KIAA1328: variants seen among roughly 807,000 people sequenced by gnomAD.
KIAA1328 encodes KIAA1328.
In KIAA1328, 52 loss-of-function variants were observed where a neutral mutation model predicts 68.1. That is an observed-to-expected ratio of 0.76 (90% CI 0.61 to 0.96). The LOEUF (loss-of-function observed/expected upper bound fraction) is 0.96. Among genes scored for constraint, KIAA1328 ranks in the 40% least tolerant of loss-of-function variants. KIAA1328 has a pLI of 0.00. For missense variants in KIAA1328, 641 were observed against 677.6 expected (o/e 0.95, Z 0.60); for synonymous variants, 232 against 239.4 (o/e 0.97, Z 0.28).
rs1396795105 is a variant in KIAA1328, at chr18:36,959,031, G to T, written c.449-277G>T. Among the ~76,000 whole-genome samples the T allele has an allele frequency of 2.6e-5, 4 of 151,766 alleles. No individual in the cohort carries two copies. In the East Asian group the frequency reaches 7.7e-4, roughly 29 times the overall value. ...TATGGTGTGAGGTAGGGGTTCCTTT[G>T]CATGTATCTGCATTTGTTTTTATTC... On this transcript the variant is annotated intron_variant, in intron 5 of 9. Transcript: ENST00000280020.
intron 4 of KIAA1328, among the ~76,000 whole-genome samples, chr18:36,880,058 TC>T (rs2048278603): frequency 6.6e-6 from 1 of 152,176 alleles, no homozygotes; most frequent in Admixed American, 6.5e-5. Context: ...TTGCTGGTGT[TC>T]CAGGCACCAC....
At chr18:37,098,170 T>C (rs940547122) in intron 7 of KIAA1328, among the ~76,000 whole-genome samples, 5 of 152,248 alleles carry the variant, frequency 3.3e-5, no homozygotes, top group African/African-American at 1.2e-4. Context: ...AAGGGAATGC[T>C]TCCAGTTTTT....
chr18:36,997,016 G>A (rs1346769397), intron 6 of KIAA1328, among the ~76,000 whole-genome samples: 1 of 151,984 alleles, frequency 6.6e-6, no homozygotes, highest in Non-Finnish European at 1.5e-5. Flanking sequence ...CTACTGTGAC[G>A]TTTCTGATTG....
intron 7 of KIAA1328, among the ~76,000 whole-genome samples, chr18:37,112,884 C>T (rs1055562175): frequency 3.3e-5 from 5 of 151,920 alleles, no homozygotes; most frequent in African/African-American, 4.8e-5. Context: ...GTAGCTGATT[C>T]GATCAAGTGG....
chr18:36,878,691 T>G (rs966061491), intron 4 of KIAA1328, among the ~76,000 whole-genome samples: 10 of 152,190 alleles, frequency 6.6e-5, no homozygotes, highest in African/African-American at 2.2e-4. Context: ...GTCCCATATT[T>G]CTTGGAGGCT....
chr18:36,967,144 C>A (rs1035234308), intron 6 of KIAA1328, among the ~76,000 whole-genome samples: 1 of 151,948 alleles, frequency 6.6e-6, no homozygotes, highest in African/African-American at 2.4e-5. Flanking sequence ...TTGGTAGGCC[C>A]GATCTAATAA....
chr18:37,002,280 C>T (rs2053619321), intron 6 of KIAA1328, among the ~76,000 whole-genome samples: 1 of 132,928 alleles, frequency 7.5e-6, no homozygotes, highest in African/African-American at 2.8e-5. Context: ...GTGATCATAG[C>T]TCACTGTAGC....
At chr18:36,973,704 A>G (rs2151331014) in intron 6 of KIAA1328, among the ~76,000 whole-genome samples, 1 of 152,082 alleles carries the variant, frequency 6.6e-6, no homozygotes, top group South Asian at 2.1e-4. Context: ...TGAAAACCAA[A>G]TCGACATTAC....
intron 7 of KIAA1328, among the ~76,000 whole-genome samples, chr18:37,093,736 T>C (rs2057328338): frequency 6.6e-6 from 1 of 152,148 alleles, no homozygotes; most frequent in South Asian, 2.1e-4. Flanking sequence ...TTTAATGAAA[T>C]AGTAGCTGAA....
At chr18:36,835,106 G>T in intron 2 of KIAA1328, 128 bp from the exon 3 acceptor site, 1 of 608,876 alleles carries the variant, frequency 1.6e-6, no homozygotes, top group South Asian at 2.9e-5. Context: ...TTAAAATTAA[G>T]TTTATAAAGT....
At chr18:36,909,131 A>T (rs1389945580) in intron 5 of KIAA1328, among the ~76,000 whole-genome samples, 1 of 152,098 alleles carries the variant, frequency 6.6e-6, no homozygotes, top group East Asian at 1.9e-4. Flanking sequence ...GATAGCTAAT[A>T]TGCTTTTTTT....
intron 7 of KIAA1328, among the ~76,000 whole-genome samples, chr18:37,082,935 T>C (rs1803296271): frequency 6.6e-6 from 1 of 152,222 alleles, no homozygotes; most frequent in South Asian, 2.1e-4. Flanking sequence ...CCTTAATACA[T>C]GTACTCTCTA....
intron 5 of KIAA1328, among the ~76,000 whole-genome samples, chr18:36,918,081 G>A (rs577270137): frequency 6.6e-6 from 1 of 152,088 alleles, no homozygotes; most frequent in Non-Finnish European, 1.5e-5. Flanking sequence ...ATTACAGGAA[G>A]TTGGACTCCT....
intron 7 of KIAA1328, among the ~76,000 whole-genome samples, chr18:37,136,035 G>A (rs1317651843): frequency 1.3e-5 from 2 of 152,162 alleles, no homozygotes; most frequent in Non-Finnish European, 2.9e-5. Flanking sequence ...CCAGGACCAT[G>A]CTGTTTTGGT....
chr18:36,829,428 C>G (rs927049577), intron 1 of KIAA1328: 1 of 1,323,846 alleles, frequency 7.6e-7, no homozygotes, highest in East Asian at 3.2e-5. Flanking sequence ...TGCTTCCCAG[C>G]GCTCACTACC....
At chr18:37,046,857 G>A (rs765160197) in intron 6 of KIAA1328, among the ~76,000 whole-genome samples, 14 of 152,176 alleles carry the variant, frequency 9.2e-5, no homozygotes, top group Admixed American at 6.5e-5. Context: ...CCAGCTGGGC[G>A]CGGTGGCTCA....
intron 7 of KIAA1328, among the ~76,000 whole-genome samples, chr18:37,080,392 G>T (rs2056908981): frequency 6.6e-6 from 1 of 152,068 alleles, no homozygotes; most frequent in Admixed American, 6.6e-5. Context: ...TTTACTTTGG[G>T]TCATTTTCAG....
chr18:37,095,505 A>C (rs1295165441), intron 7 of KIAA1328, among the ~76,000 whole-genome samples: 1 of 152,226 alleles, frequency 6.6e-6, no homozygotes, highest in East Asian at 1.9e-4. Context: ...GGAAATTAAG[A>C]AGGATATAAA....
chr18:36,940,954 A>C (rs2151184731), intron 5 of KIAA1328, among the ~76,000 whole-genome samples: 1 of 152,246 alleles, frequency 6.6e-6, no homozygotes, highest in East Asian at 1.9e-4. Context: ...AATTATAGGC[A>C]TGAGCCACCA....
Sources: allele counts gnomAD v4.1 joint callset (sites outside exome capture counted in the v4.1 genomes callset), GRCh38; gene constraint gnomAD v4.1.1; transcripts MANE v1.5; gene names NCBI Gene and HGNC (gene_info 2026-07-23, HGNC 2026-07-21).